Variants in SCLT1 observed in about 807,000 individuals in gnomAD.
The protein encoded by SCLT1 is sodium channel and clathrin linker 1, also known as sodium channel-associated protein 1.
A neutral mutation model predicts 112.8 loss-of-function variants in SCLT1; 78 were observed. That is an observed-to-expected ratio of 0.69 (90% confidence interval 0.58 to 0.83). The LOEUF (loss-of-function observed/expected upper bound fraction) is 0.83, where lower values mean the gene tolerates loss of function less well. SCLT1 is among the 40% of genes least tolerant of loss of function. SCLT1 has a pLI of 0.00. For synonymous variants in SCLT1, 257 were observed against 254.7 expected (o/e 1.01, Z -0.09); for missense variants, 747 against 770.4 (o/e 0.97, Z 0.36).
intron 18 of SCLT1, among the ~76,000 whole-genome samples, chr4:128,929,709 T>C (rs1302815759): frequency 6.6e-6 from 1 of 152,168 alleles, no homozygotes; most frequent in Admixed American, 6.5e-5. Context: ...ACACAAATTA[T>C]GACAAAAGGG....
intron 8 of SCLT1, 120 bp downstream of exon 8, chr4:128,997,754 A>G: frequency 2.0e-6 from 1 of 503,274 alleles, no homozygotes; most frequent in Non-Finnish European, 3.5e-6. Flanking sequence ...AAGCAAAAGC[A>G]AAAGAAAAAA....
intron 2 of SCLT1, among the ~76,000 whole-genome samples, chr4:129,072,867 C>A (rs887097643): frequency 2.6e-5 from 4 of 151,940 alleles, no homozygotes; most frequent in Admixed American, 1.3e-4. Flanking sequence ...TTGGGGGGTG[C>A]TGAAGAGCCT....
At position 128,997,950 on chromosome 4, in the gene SCLT1, A is replaced by G. The variant is rs763295921; in HGVS notation, c.550-11T>C. On this transcript the variant is annotated splice_polypyrimidine_tract_variant and intron_variant, in intron 7 of 20. Transcript: ENST00000281142. ...ATCAAATAGCTGATCCTACAGTGGG[A>G]AGGTAAGGGGAGTATATAAATAGCA... is the stretch of plus-strand genomic sequence containing the variant. The G allele has an allele frequency of 6.8e-7, 1 of 1,460,810 alleles. No individual in the cohort carries two copies. The highest frequency in any genetic ancestry group is 2.1e-5 in the Admixed American group (1 of 48,772). 90.5% of individuals were successfully genotyped at this position (1,460,810 alleles called of 1,614,324 possible).
chr4:129,078,055 T>C (rs1271407644), intron 2 of SCLT1, among the ~76,000 whole-genome samples: 1 of 152,210 alleles, frequency 6.6e-6, no homozygotes, highest in Non-Finnish European at 1.5e-5. Context: ...TCTTAGGCAG[T>C]AACAGTATGT....
intron 18 of SCLT1, among the ~76,000 whole-genome samples, chr4:128,912,580 CA>C (rs1480762247): frequency 6.6e-6 from 1 of 151,872 alleles, no homozygotes; most frequent in Non-Finnish European, 1.5e-5. Flanking sequence ...AGGAGGGATA[CA>C]ATTCATATAT....
intron 5 of SCLT1, among the ~76,000 whole-genome samples, chr4:129,020,541 G>C (rs917660721): frequency 5.3e-5 from 8 of 152,204 alleles, no homozygotes; most frequent in African/African-American, 1.9e-4. Context: ...ATTTGGACTA[G>C]AGAAGAGAGA....
chr4:129,065,822 A>T lies in SCLT1; in HGVS notation c.102+16484T>A, dbSNP rs1023390432. 4.6e-5 allele frequency among the ~76,000 whole-genome samples: 7 copies of T among 152,140 alleles called. 1 individual carries two copies. Among genetic ancestry groups the T allele is most frequent in the African/African-American group, 1.7e-4 (7 of 41,462 alleles). On this transcript the variant is annotated intron_variant, in intron 2 of 20. Transcript: ENST00000281142. ...TTCAAGTGTGAATTCTAAATTAGCA[A>T]TTTCACAACAATTTATTTTCTTTCC...
chr4:129,070,930 C>T (rs1750949326), intron 2 of SCLT1, among the ~76,000 whole-genome samples: 2 of 152,112 alleles, frequency 1.3e-5, no homozygotes, highest in South Asian at 2.1e-4. Context: ...ACTTTCCCCT[C>T]TTAGCACTGC....
In SCLT1 at chr4:129,069,174, T is replaced by C. The variant is rs377236368; in HGVS notation, c.102+13132A>G. Among the ~76,000 whole-genome samples the C allele has an allele frequency of 5.9e-5, 9 of 152,352 alleles. No individual in the cohort carries two copies. The East Asian group carries it at 1.3e-3, about 23-fold the overall frequency. ...CAGTACCATGCTGTTTTGGTAGCTATGGCCTTAGAGTATAGTTTGAAATCA... is the reference window on the plus strand; with the variant it reads ...CAGTACCATGCTGTTTTGGTAGCTACGGCCTTAGAGTATAGTTTGAAATCA... On this transcript the variant is annotated intron_variant, in intron 2 of 20. Coordinates refer to ENST00000281142, the MANE Select transcript of SCLT1 (RefSeq NM_144643.4).
intron 11 of SCLT1, among the ~76,000 whole-genome samples, chr4:128,963,404 C>T (rs1739906731): frequency 6.6e-6 from 1 of 152,146 alleles, no homozygotes; most frequent in Non-Finnish European, 1.5e-5. Flanking sequence ...ACTGGCCACT[C>T]CTAGAATTCC....
chr4:128,978,247 T>C (rs1373470903), intron 9 of SCLT1, among the ~76,000 whole-genome samples: 1 of 152,106 alleles, frequency 6.6e-6, no homozygotes, highest in Non-Finnish European at 1.5e-5. Context: ...AATTCAATTA[T>C]GGAACTCAAC....
chr4:128,873,256 G>GAAAAAAAAAAAAAAAAAAAAAAAAGA (rs1296724284), intron 5 of SCLT1: 5 of 28,524 alleles, frequency 1.8e-4, no homozygotes, highest in Non-Finnish European at 3.7e-4. Context: ...TAAGAAAAAG[G>GAAAAAAAAAAAAAAAAAAAAAAAAGA]AAAAAAAAAA....
intron 5 of SCLT1, chr4:128,874,403 A>G (rs1732417367): frequency 6.6e-6 from 1 of 152,616 alleles, no homozygotes. Flanking sequence ...TTGTGCAAAA[A>G]TAATGCCTTA....
intron 18 of SCLT1, among the ~76,000 whole-genome samples, chr4:128,910,246 TC>T (rs1734987562): frequency 6.6e-6 from 1 of 152,244 alleles, no homozygotes; most frequent in Non-Finnish European, 1.5e-5. Flanking sequence ...AACTCCTGTT[TC>T]CCCATGTATT....
intron 5 of SCLT1, among the ~76,000 whole-genome samples, chr4:129,009,510 T>C (rs1027820794): frequency 6.8e-6 from 1 of 146,816 alleles, no homozygotes; most frequent in African/African-American, 2.5e-5. Flanking sequence ...TGAGACTCTG[T>C]CTCAAAAAGA....
chr4:128,997,474 C>A (rs1743109879), intron 8 of SCLT1, among the ~76,000 whole-genome samples: 1 of 151,664 alleles, frequency 6.6e-6, no homozygotes, highest in Non-Finnish European at 1.5e-5. Flanking sequence ...AGTACCATAC[C>A]AACACATGGT....
At chr4:129,065,789 C>G (rs1232835425) in intron 2 of SCLT1, among the ~76,000 whole-genome samples, 2 of 152,086 alleles carry the variant, frequency 1.3e-5, no homozygotes, top group Non-Finnish European at 2.9e-5. Context: ...CATAGAATAT[C>G]AAAGTATTTC....
intron 16 of SCLT1, among the ~76,000 whole-genome samples, chr4:128,943,568 C>T (rs911582073): frequency 6.6e-6 from 1 of 152,152 alleles, no homozygotes; most frequent in African/African-American, 2.4e-5. Flanking sequence ...AATCAATAAA[C>T]TCCATGGACT....
At chr4:129,021,183 C>T (rs1308802773) in intron 5 of SCLT1, among the ~76,000 whole-genome samples, 1 of 152,148 alleles carries the variant, frequency 6.6e-6, no homozygotes, top group Admixed American at 6.5e-5. Context: ...CCAAGGAAAG[C>T]TGTGAGGGAC....
Sources: allele counts gnomAD v4.1 joint callset (sites outside exome capture counted in the v4.1 genomes callset), GRCh38; gene constraint gnomAD v4.1.1; transcripts MANE v1.5; gene names NCBI Gene and HGNC (gene_info 2026-07-23, HGNC 2026-07-21).